The following RSRC1 variants were observed in gnomAD, a reference collection of about 807,000 sequenced individuals.
The protein encoded by RSRC1 is arginine and serine rich coiled-coil 1.
Under a neutral mutation model 49.1 loss-of-function variants are expected in RSRC1, and 39 were observed. The ratio of observed to expected loss-of-function variants is 0.79; its 90% CI spans 0.61 to 1.04. The LOEUF (loss-of-function observed/expected upper bound fraction) is 1.04. Ranked by LOEUF, RSRC1 falls within the 50% of genes least tolerant of loss-of-function variation. RSRC1 has a pLI of 0.00. For missense variants in RSRC1, 388 were observed against 402.4 expected (o/e 0.96, Z 0.31); for synonymous variants, 143 against 130.8 (o/e 1.09, Z -0.63).
At chr3:158,305,652 A>G (rs761289241) in intron 5 of RSRC1, among the ~76,000 whole-genome samples, 3 of 152,078 alleles carry the variant, frequency 2.0e-5, no homozygotes, top group African/African-American at 4.8e-5. Flanking sequence ...TGTTTCTCCA[A>G]TCAAGGTATT....
rs1393127875 is a variant in RSRC1, at chr3:158,545,054, TGTAGAATACCTTTCTCTA to T, written c.*784_*801del. The T allele has an allele frequency of 1.3e-5, 2 of 152,220 alleles. No individual in the cohort carries two copies. The highest frequency in any genetic ancestry group is 2.9e-5 in the Non-Finnish European group (2 of 68,052). The allele number at this position is 152,220 out of a possible 1,614,324, so 9.4% of individuals were successfully genotyped here. A position where few individuals can be genotyped will look rare whatever the true frequency, so the allele number is the denominator to read the frequency against. On this transcript the variant is annotated 3_prime_UTR_variant, in exon 10 of 10. Coordinates refer to ENST00000611884, the MANE Select transcript of RSRC1 (RefSeq NM_001271838.2). ...TTGTTTTGATAAGGCTATCTGCCAT[TGTAGAATACCTTTCTCTA>T]GTAGCTGAATGACAATCAACTATAC...
At chr3:158,440,907 A>G (rs955209200) in intron 6 of RSRC1, among the ~76,000 whole-genome samples, 1 of 152,126 alleles carries the variant, frequency 6.6e-6, no homozygotes, top group Non-Finnish European at 1.5e-5. Context: ...ACCCCATTGC[A>G]TTCCAGCCTG....
intron 6 of RSRC1, among the ~76,000 whole-genome samples, chr3:158,405,758 G>A (rs1012529808): frequency 2.6e-5 from 4 of 152,226 alleles, no homozygotes; most frequent in African/African-American, 9.6e-5. Context: ...AATAGGGACT[G>A]AATAGGAAGA....
chr3:158,194,102 C>CAG (rs1491444091), intron 3 of RSRC1, among the ~76,000 whole-genome samples: 6 of 143,018 alleles, frequency 4.2e-5, no homozygotes, highest in African/African-American at 5.1e-5. Context: ...CACACACACA[C>CAG]AGAAAAGAAA....
intron 7 of RSRC1, among the ~76,000 whole-genome samples, chr3:158,492,422 A>G (rs762904297): frequency 6.6e-6 from 1 of 152,240 alleles, no homozygotes; most frequent in Non-Finnish European, 1.5e-5. Flanking sequence ...AAGATTAGAC[A>G]ATTTTGAACA....
intron 4 of RSRC1, among the ~76,000 whole-genome samples, chr3:158,263,568 T>A (rs1486934073): frequency 2.6e-5 from 4 of 152,096 alleles, no homozygotes; most frequent in African/African-American, 9.7e-5. Flanking sequence ...TCCTTTTCAG[T>A]TTTTTGGAAG....
chr3:158,399,555 A>T (rs1578428630), intron 6 of RSRC1, among the ~76,000 whole-genome samples: 1 of 152,178 alleles, frequency 6.6e-6, no homozygotes, highest in South Asian at 2.1e-4. Context: ...TGTTAGCAAC[A>T]TGTGGCTATT....
intron 3 of RSRC1, among the ~76,000 whole-genome samples, chr3:158,191,401 A>G (rs981680773): frequency 6.6e-6 from 1 of 152,070 alleles, no homozygotes; most frequent in Admixed American, 6.6e-5. Flanking sequence ...TACTTGAAGT[A>G]TTGTAGTTTT....
At chr3:158,390,854 G>T (rs1462630938) in intron 6 of RSRC1, among the ~76,000 whole-genome samples, 1 of 152,124 alleles carries the variant, frequency 6.6e-6, no homozygotes, top group Non-Finnish European at 1.5e-5. Flanking sequence ...TATTTGAAAG[G>T]ATAAATGCAG....
chr3:158,484,021 C>G (rs939829723), intron 7 of RSRC1, among the ~76,000 whole-genome samples: 2 of 152,096 alleles, frequency 1.3e-5, no homozygotes, highest in African/African-American at 2.4e-5. Context: ...CCAATTTGTT[C>G]CTCCATGCAG....
intron 4 of RSRC1, among the ~76,000 whole-genome samples, chr3:158,244,035 G>T (rs1331168232): frequency 4.0e-5 from 6 of 149,376 alleles, no homozygotes; most frequent in South Asian, 2.1e-4. Context: ...TTGAAGTGGG[G>T]TTTTTTTTTA....
intron 6 of RSRC1, among the ~76,000 whole-genome samples, chr3:158,415,437 C>T (rs1360322976): frequency 6.6e-6 from 1 of 151,710 alleles, no homozygotes; most frequent in Non-Finnish European, 1.5e-5. Flanking sequence ...GTTTAGGGCT[C>T]TGGAGTCAGA....
chr3:158,219,220 ATTG>A (rs1281944051), intron 4 of RSRC1, among the ~76,000 whole-genome samples: 1 of 151,532 alleles, frequency 6.6e-6, no homozygotes, highest in Non-Finnish European at 1.5e-5. Flanking sequence ...TTACCTTTTT[ATTG>A]TTAGACACAG....
chr3:158,336,179 C>A (rs946543170), intron 5 of RSRC1, among the ~76,000 whole-genome samples: 1 of 152,252 alleles, frequency 6.6e-6, no homozygotes, highest in African/African-American at 2.4e-5. Context: ...TGGGTAAGGG[C>A]ACTGCAAGTC....
At chr3:158,157,850 GGTTGT>G (rs1202438101) in intron 3 of RSRC1, among the ~76,000 whole-genome samples, 1 of 152,092 alleles carries the variant, frequency 6.6e-6, no homozygotes, top group East Asian at 1.9e-4. Context: ...CGGAGGTGGA[GGTTGT>G]GATGATCTGA....
intron 6 of RSRC1, among the ~76,000 whole-genome samples, chr3:158,449,018 A>G (rs373291052): frequency 2.0e-4 from 30 of 152,038 alleles, no homozygotes; most frequent in South Asian, 1.4e-3. Flanking sequence ...AAGATACCAT[A>G]TCATTTTGTA....
intron 5 of RSRC1, among the ~76,000 whole-genome samples, chr3:158,344,832 G>A (rs1434444654): frequency 6.6e-6 from 1 of 152,158 alleles, no homozygotes; most frequent in African/African-American, 2.4e-5. Context: ...AGAAATGAAA[G>A]GAGTATTGTA....
At chr3:158,118,582 T>C (rs2108158142) in intron 1 of RSRC1, among the ~76,000 whole-genome samples, 1 of 152,304 alleles carries the variant, frequency 6.6e-6, no homozygotes, top group South Asian at 2.1e-4. Flanking sequence ...CATCTGAGGA[T>C]ATTAGCTGTT....
chr3:158,330,303 G>T (rs761681497), intron 5 of RSRC1, among the ~76,000 whole-genome samples: 1 of 152,172 alleles, frequency 6.6e-6, no homozygotes, highest in African/African-American at 2.4e-5. Context: ...GAAATCACCC[G>T]TCTTCTGCGT....
Sources: allele counts gnomAD v4.1 joint callset (sites outside exome capture counted in the v4.1 genomes callset), GRCh38; gene constraint gnomAD v4.1.1; transcripts MANE v1.5; gene names NCBI Gene and HGNC (gene_info 2026-07-23, HGNC 2026-07-21).